Variants in GRAMD2B observed in about 807,000 individuals in gnomAD.
The protein encoded by GRAMD2B is GRAM domain-containing protein 2B.
A neutral mutation model predicts 59.2 loss-of-function variants in GRAMD2B; 41 were observed. The ratio of observed to expected loss-of-function variants is 0.69; its 90% CI spans 0.54 to 0.90. GRAMD2B has a LOEUF of 0.90. Ranked by LOEUF, GRAMD2B falls within the 40% of genes least tolerant of loss-of-function variation. The pLI is 0.00. For synonymous variants in GRAMD2B, 161 were observed against 182.7 expected, an observed-to-expected ratio of 0.88 and a Z score of 0.96; for missense variants, 424 against 500.5, an observed-to-expected ratio of 0.85 and a Z score of 1.46.
chr5:126,466,265 C>T (rs758816389), intron 2 of GRAMD2B: 26 of 1,550,238 alleles, frequency 1.7e-5, no homozygotes, highest in South Asian at 3.6e-5. Context: ...TTATTAACTC[C>T]GCTTTTTGCT....
chr5:126,367,197 C>A (rs961210043), upstream of GRAMD2B, among the ~76,000 whole-genome samples: 2 of 152,176 alleles, frequency 1.3e-5, no homozygotes, highest in African/African-American at 4.8e-5. Flanking sequence ...GTACTATGTG[C>A]TTAGAGTATA....
chr5:126,403,432 G>A (rs557261054), intron 1 of GRAMD2B, among the ~76,000 whole-genome samples: 148 of 152,042 alleles, frequency 9.7e-4, no homozygotes, highest in African/African-American at 3.3e-3. Flanking sequence ...GCACTTCTAC[G>A]TTGGCTGTTG....
At chr5:126,461,777 G>A (rs1767415790) in intron 1 of GRAMD2B, among the ~76,000 whole-genome samples, 2 of 152,256 alleles carry the variant, frequency 1.3e-5, no homozygotes, top group South Asian at 4.1e-4. Context: ...TCCAGCCTGG[G>A]TGACAAGAGT....
rs555826520 is a variant in GRAMD2B at position 126,450,191 on chromosome 5, A to G, written c.84-15235A>G. ...AGCTCTTCTTTCAGGGGCTTAGCTG[A>G]GGGCCAGAGTAGTACAGCTCGTCTC... On this transcript the variant is annotated intron_variant, in intron 1 of 13. Transcript: ENST00000285689. Among the ~76,000 whole-genome samples the G allele has an allele frequency of 2.6e-5, 4 of 152,140 alleles. No homozygotes were observed. The East Asian group carries it at 7.7e-4, about 29-fold the overall frequency.
At chr5:126,449,588 T>C (rs1323325148) in intron 1 of GRAMD2B, among the ~76,000 whole-genome samples, 1 of 152,228 alleles carries the variant, frequency 6.6e-6, no homozygotes, top group Non-Finnish European at 1.5e-5. Flanking sequence ...GGTGTTTTGG[T>C]TAAATCAAAG....
At chr5:126,449,012 A>G (rs1764851395) in intron 1 of GRAMD2B, among the ~76,000 whole-genome samples, 1 of 152,242 alleles carries the variant, frequency 6.6e-6, no homozygotes, top group Admixed American at 6.5e-5. Context: ...TCATCCGGGA[A>G]ATCCAGTAGA....
chr5:126,384,277 A>C (rs1418223411), intron 1 of GRAMD2B, among the ~76,000 whole-genome samples: 2 of 152,200 alleles, frequency 1.3e-5, no homozygotes, highest in Non-Finnish European at 2.9e-5. Context: ...CAGACAATGT[A>C]CATGCAGTTT....
rs958765595 is a variant in GRAMD2B at position 126,371,517 on chromosome 5, C to T, written c.75C>T (p.Asn25=). The change falls in exon 1 of 9, where the codon AAC becomes AAT. Residue 25 remains asparagine, a synonymous_variant. Coordinates refer to the GRAMD2B transcript ENST00000506445. ...CTCCGGGCAGCCCAAGGAAGGCCAA[C>T]GTGGAGGCCTCACGCAGCTCCACAG... is the stretch of plus-strand genomic sequence containing the variant. 1.2e-5 allele frequency: 15 copies of T among 1,289,156 alleles called. No individual in the cohort carries two copies. The African/African-American group carries it at 1.4e-4, about 12-fold the overall frequency. The allele number at this position is 1,289,156 out of a possible 1,614,324, so 79.9% of individuals were successfully genotyped here.
chr5:126,420,651 T>G (rs754142840), upstream of GRAMD2B, among the ~76,000 whole-genome samples: 6 of 152,170 alleles, frequency 3.9e-5, no homozygotes, highest in Non-Finnish European at 8.8e-5. Context: ...TTGCCCTTAC[T>G]CATGCATTAA....
At position 126,493,658 on chromosome 5, in the gene GRAMD2B, T is replaced by C. The variant is rs1162029357; in HGVS notation, c.*702T>C. 6.6e-6 allele frequency: 1 copy of C among 152,226 alleles called. No homozygotes were observed. Among genetic ancestry groups the C allele is most frequent in the Non-Finnish European group, 1.5e-5 (1 of 68,046 alleles). The allele number at this position is 152,226 out of a possible 1,614,324, so 9.4% of individuals were successfully genotyped here. ...TTACCCAGCCCTGGTCAAGAATCTG[T>C]GAGGCATGTGACTGAAGTACTAAAT... On this transcript the variant is annotated 3_prime_UTR_variant, in exon 14 of 14. Transcript: ENST00000285689.
chr5:126,454,677 G>T (rs1054872108), intron 1 of GRAMD2B, among the ~76,000 whole-genome samples: 1 of 152,244 alleles, frequency 6.6e-6, no homozygotes, highest in African/African-American at 2.4e-5. Flanking sequence ...GAACAGAGGG[G>T]TCTTCTTTGA....
intron 1 of GRAMD2B, among the ~76,000 whole-genome samples, chr5:126,392,019 A>C (rs780814475): frequency 1.6e-4 from 24 of 152,214 alleles, no homozygotes; most frequent in Non-Finnish European, 2.9e-4. Context: ...TAATTTTTCC[A>C]TGACTAAATT....
rs373459061 is a variant in GRAMD2B at position 126,381,642 on chromosome 5, C to G, written c.125+10075C>G. Among the ~76,000 whole-genome samples, 168 of 152,288 alleles carry G rather than the reference C, an allele frequency of 1.1e-3. 1 individual carries two copies. The highest frequency in any genetic ancestry group is 3.8e-3 in the African/African-American group (159 of 41,564). ...CTTGGTTAGTGACATCTTATCCATTCTGCCATTCTGTATCTTTTAACTGGA... is the reference window on the plus strand; with the variant it reads ...CTTGGTTAGTGACATCTTATCCATTGTGCCATTCTGTATCTTTTAACTGGA... On this transcript the variant is annotated intron_variant, in intron 1 of 8. Coordinates refer to the GRAMD2B transcript ENST00000506445.
At chr5:126,379,788 T>G (rs1755505281) in intron 1 of GRAMD2B, among the ~76,000 whole-genome samples, 1 of 152,234 alleles carries the variant, frequency 6.6e-6, no homozygotes, top group Non-Finnish European at 1.5e-5. Context: ...ATTGATTTCC[T>G]TGTACATTCT....
At chr5:126,460,766 T>C (rs73785312) in intron 1 of GRAMD2B, among the ~76,000 whole-genome samples, 5,790 of 152,246 alleles carry the variant, frequency 0.038, 387 homozygotes, top group African/African-American at 0.13. Flanking sequence ...GGTGCCAACA[T>C]GGTTTTCACT....
chr5:126,485,664 T>G (rs754785066), intron 10 of GRAMD2B, 22 bp from the exon 11 acceptor site: 13 of 1,532,336 alleles, frequency 8.5e-6, no homozygotes, highest in Non-Finnish European at 1.2e-5. Flanking sequence ...TAAACAGTTG[T>G]TTTTTGTTTT....
Position 126,477,734 on chromosome 5 carries a change from A to T in GRAMD2B, c.529A>T (p.Lys177Ter), listed in dbSNP as rs756038433. The stretch of plus-strand genomic sequence containing the variant: ...CTCGGTAACCCTAATAAAGAAAACC[A>T]AAACTGCTCTTCTAGTGCCAAACGC... ...AFSVTLIKKT[K>*]TALLVPNALI... The change falls in exon 6 of 14, where the codon AAA (lysine) becomes TAA (stop). Residue 177 changes from lysine (K) to a stop codon, truncating the protein, a stop_gained. Coordinates refer to ENST00000285689, the MANE Select transcript of GRAMD2B (RefSeq NM_023927.4). LOFTEE classifies it high-confidence loss of function. 6.2e-7 allele frequency: 1 copy of T among 1,613,082 alleles called. No homozygotes were observed. The highest frequency in any genetic ancestry group is 2.2e-5 in the East Asian group (1 of 44,882).
chr5:126,459,070 G>T (rs1211319899), intron 1 of GRAMD2B: 1 of 152,062 alleles, frequency 6.6e-6, no homozygotes, highest in African/African-American at 2.4e-5. Flanking sequence ...TCATTTTAAA[G>T]ACCTTAGAAA....
At chr5:126,368,901 T>C (rs952171182), upstream of GRAMD2B, among the ~76,000 whole-genome samples, 5 of 152,200 alleles carry the variant, frequency 3.3e-5, no homozygotes, top group African/African-American at 1.2e-4. Context: ...TGGGACCAAC[T>C]CATCTCATTC....
Sources: gnomAD v4.1 joint callset for allele counts (sites outside exome capture counted in the v4.1 genomes callset) on GRCh38, gnomAD v4.1.1 for gene constraint, MANE v1.5 for transcripts, NCBI Gene and HGNC (gene_info 2026-07-23, HGNC 2026-07-21) for gene names.